The following NLRP14 variants were observed in gnomAD, a reference collection of about 807,000 sequenced individuals.
The protein encoded by NLRP14 is NACHT, LRR and PYD domains-containing protein 14.
A neutral mutation model predicts 94.7 loss-of-function variants in NLRP14; 105 were observed. The observed-to-expected ratio is 1.11, with a 90% CI of 0.95 to 1.30. NLRP14 has a LOEUF of 1.30. Among genes scored for constraint, NLRP14 ranks in the 50% most tolerant of loss-of-function variants. NLRP14 has a pLI of 0.00. For missense variants in NLRP14, 1,362 were observed against 1,254.1 expected, an observed-to-expected ratio of 1.09 and a Z score of -1.30; for synonymous variants, 508 against 459.9, an observed-to-expected ratio of 1.10 and a Z score of -1.34.
chr11:7,043,884 T>C lies in NLRP14; in HGVS notation c.1858T>C (p.Phe620Leu). Reference sequence around the variant, plus strand: ...GAAAATACATTTGCTTGTATCTTCTTTCTGCCTTAAGCACTGCCGGTGTTT... The same window carrying C: ...GAAAATACATTTGCTTGTATCTTCTCTCTGCCTTAAGCACTGCCGGTGTTT... Reference protein sequence around the residue: ...CEKIHLLVSSFCLKHCRCLRT... With the variant: ...CEKIHLLVSSLCLKHCRCLRT... The change falls in exon 4 of 12, where the codon TTC becomes CTC. Residue 620 changes from phenylalanine to leucine, a missense_variant. Transcript: ENST00000299481. 6.2e-7 allele frequency: 1 copy of C among 1,614,142 alleles called. No homozygotes were observed. The highest frequency in any genetic ancestry group is 1.7e-5 in the Admixed American group (1 of 60,022).
intron 1 of NLRP14, among the ~76,000 whole-genome samples, chr11:7,031,543 C>T (rs1046274131): frequency 2.6e-5 from 4 of 152,172 alleles, no homozygotes; most frequent in South Asian, 2.1e-4. Flanking sequence ...TGCCTGCCAA[C>T]TGTGCTTGAA....
chr11:7,021,841 T>C (rs1283498415), intron 1 of NLRP14, among the ~76,000 whole-genome samples: 1 of 151,340 alleles, frequency 6.6e-6, no homozygotes, highest in African/African-American at 2.4e-5. Flanking sequence ...GTTGAATTAC[T>C]GAATGCAGAG....
the NLRP14 span, chr11:7,089,873 C>A: frequency 6.2e-7 from 1 of 1,612,904 alleles, no homozygotes; most frequent in Non-Finnish European, 8.5e-7. Context: ...TCCGGGACGA[C>A]TGTCCCTTGA....
intron 6 of NLRP14, among the ~76,000 whole-genome samples, chr11:7,051,145 G>A (rs1852436399): frequency 6.6e-6 from 1 of 152,140 alleles, no homozygotes; most frequent in Non-Finnish European, 1.5e-5. Flanking sequence ...ATCTTTCTGG[G>A]TCAACTAGTA....
At chr11:7,047,828 C>T (rs1852381758) in intron 5 of NLRP14, among the ~76,000 whole-genome samples, 2 of 138,330 alleles carry the variant, frequency 1.4e-5, no homozygotes, top group Non-Finnish European at 1.5e-5. Context: ...GGCACAATCT[C>T]GGCTCACTGC....
chr11:7,037,248 A>G (rs545999361), intron 1 of NLRP14, among the ~76,000 whole-genome samples: 21 of 152,218 alleles, frequency 1.4e-4, no homozygotes, highest in Non-Finnish European at 2.4e-4. Context: ...TCTGTAATCT[A>G]GAATATTTTT....
At chr11:7,090,089 C>T in the NLRP14 span, 3 of 1,611,444 alleles carry the variant, frequency 1.9e-6, no homozygotes, top group African/African-American at 4.0e-5. Flanking sequence ...GCGGCGGCCG[C>T]GACAGTTACA....
At chr11:7,049,919 T>A in intron 6 of NLRP14, 81 bp downstream of exon 6, 1 of 1,215,446 alleles carries the variant, frequency 8.2e-7, no homozygotes, top group East Asian at 2.3e-5. Flanking sequence ...ACAGCCTGGA[T>A]TTGCTATTCA....
At position 7,043,863 on chromosome 11, in the gene NLRP14, A is replaced by G. The variant is rs752979422; in HGVS notation, c.1837A>G (p.Ile613Val). The G allele has an allele frequency of 6.2e-7, 1 of 1,614,196 alleles. No homozygotes were observed. Among genetic ancestry groups the G allele is most frequent in the Non-Finnish European group, 8.5e-7 (1 of 1,180,016 alleles). ...GGTTGCCATTAATATTTGTGAGAAA[A>G]TACATTTGCTTGTATCTTCTTTCTG... ...PKVAINICEK[I>V]HLLVSSFCLK... is the part of the protein sequence containing the mutation. Residue 613 changes from isoleucine to valine, a missense_variant, in exon 4 of 12, where the codon ATA becomes GTA. By Grantham distance (29) the Ile-to-Val change is conservative. Coordinates refer to ENST00000299481, the MANE Select transcript of NLRP14 (RefSeq NM_176822.4).
chr11:7,067,998 T>C (rs1345064812), intron 10 of NLRP14, among the ~76,000 whole-genome samples: 1 of 152,120 alleles, frequency 6.6e-6, no homozygotes, highest in Admixed American at 6.5e-5. Flanking sequence ...CTCTTTCTCA[T>C]AGGGTACTTT....
chr11:7,059,578 C>G (rs1177590576), intron 8 of NLRP14, among the ~76,000 whole-genome samples: 1 of 151,992 alleles, frequency 6.6e-6, no homozygotes, highest in Admixed American at 6.6e-5. Flanking sequence ...TAAGATTACT[C>G]TTATTCTACT....
At chr11:7,073,199 G>C (rs1254836518), downstream of NLRP14, among the ~76,000 whole-genome samples, 2 of 152,188 alleles carry the variant, frequency 1.3e-5, no homozygotes, top group African/African-American at 4.8e-5. Context: ...TCCTCCATTA[G>C]TGAAAATAGT....
chr11:7,031,560 A>G (rs1852095599), intron 1 of NLRP14, among the ~76,000 whole-genome samples: 1 of 152,174 alleles, frequency 6.6e-6, no homozygotes, highest in Non-Finnish European at 1.5e-5. Flanking sequence ...TGAATTTGGC[A>G]GGCACTGCGT....
At chr11:7,048,540 C>T (rs965673898) in intron 5 of NLRP14, among the ~76,000 whole-genome samples, 1 of 152,070 alleles carries the variant, frequency 6.6e-6, no homozygotes, top group Admixed American at 6.5e-5. Context: ...AGGCTTCTCA[C>T]CAAATATTTT....
chr11:7,046,572 A>G (rs1852353198), intron 4 of NLRP14, 96 bp from the exon 5 acceptor site: 1 of 1,224,500 alleles, frequency 8.2e-7, no homozygotes, highest in African/African-American at 1.5e-5. Flanking sequence ...GCCTTTCCAA[A>G]GTACACTTAC....
intron 3 of NLRP14, 123 bp downstream of exon 3, chr11:7,039,908 C>G: frequency 1.2e-6 from 1 of 801,592 alleles, no homozygotes; most frequent in Admixed American, 2.0e-5. Context: ...CCACCTGTTC[C>G]CTGAATGTCA....
intron 5 of NLRP14, among the ~76,000 whole-genome samples, chr11:7,048,055 T>C (rs1485571542): frequency 6.6e-6 from 1 of 152,186 alleles, no homozygotes; most frequent in Non-Finnish European, 1.5e-5. Context: ...CCACCACACC[T>C]GGCTATATCC....
At chr11:7,056,633 A>G (rs1852520319) in intron 6 of NLRP14, among the ~76,000 whole-genome samples, 1 of 151,748 alleles carries the variant, frequency 6.6e-6, no homozygotes, top group Non-Finnish European at 1.5e-5. Context: ...AAATGTTTTC[A>G]GTACCATTTT....
chr11:7,070,390 G>T lies in NLRP14; in HGVS notation c.3080G>T (p.Gly1027Val). 6.2e-7 allele frequency: 1 copy of T among 1,607,464 alleles called. No individual in the cohort carries two copies. The highest frequency in any genetic ancestry group is 8.5e-7 in the Non-Finnish European group (1 of 1,174,116). The change falls in exon 11 of 12, where the codon GGA becomes GTA. Residue 1027 changes from glycine (G) to valine (V), a missense_variant. By Grantham distance (109) the Gly-to-Val change is moderately radical (BLOSUM62 -3). Coordinates refer to ENST00000299481, the MANE Select transcript of NLRP14 (RefSeq NM_176822.4). ...ATGAATCTGACACAGAATACCTTAG[G>T]ATATGAAGGAATTGTGAAGTTATAT... Reference protein sequence around the residue: ...IKMNLTQNTLGYEGIVKLYKV... With the variant: ...IKMNLTQNTLVYEGIVKLYKV...
Sources: allele counts gnomAD v4.1 joint callset (sites outside exome capture counted in the v4.1 genomes callset), GRCh38; gene constraint gnomAD v4.1.1; transcripts MANE v1.5; gene names NCBI Gene and HGNC (gene_info 2026-07-23, HGNC 2026-07-21).